ERCC6L2: variants seen among roughly 807,000 people sequenced by gnomAD.
The protein encoded by ERCC6L2 is DNA excision repair protein ERCC-6-like 2.
A neutral mutation model predicts 132.0 loss-of-function variants in ERCC6L2; 77 were observed. The observed-to-expected ratio is 0.58, with a 90% CI of 0.49 to 0.71. The LOEUF is 0.71. Ranked by LOEUF, ERCC6L2 falls within the 30% of genes least tolerant of loss-of-function variation. The pLI is 0.00. For missense variants in ERCC6L2, 1,542 were observed against 1,837.6 expected (o/e 0.84, Z 2.94); for synonymous variants, 583 against 632.4 (o/e 0.92, Z 1.17).
At chr9:95,947,204 A>G (rs753955369) in intron 12 of ERCC6L2, among the ~76,000 whole-genome samples, 23 of 152,226 alleles carry the variant, frequency 1.5e-4, no homozygotes, top group Non-Finnish European at 2.9e-4. Flanking sequence ...AAGGAAATTA[A>G]AAGTGCTACT....
At chr9:95,915,180 C>G (rs1307638744) in intron 4 of ERCC6L2, among the ~76,000 whole-genome samples, 2 of 152,332 alleles carry the variant, frequency 1.3e-5, no homozygotes, top group East Asian at 3.9e-4. Context: ...CCGTGAGGCT[C>G]TCATTCCTTT....
intron 4 of ERCC6L2, 80 bp downstream of exon 4, chr9:95,907,351 T>G: frequency 8.8e-7 from 1 of 1,136,418 alleles, no homozygotes; most frequent in Non-Finnish European, 1.2e-6. Context: ...TTTTTTTTTT[T>G]TTTTTTGAGA....
At chr9:95,916,548 C>G in intron 6 of ERCC6L2, 114 bp downstream of exon 6, 1 of 844,140 alleles carries the variant, frequency 1.2e-6, no homozygotes, top group Non-Finnish European at 1.7e-6. Context: ...GCCTTTTATT[C>G]TGTATGGAAA....
chr9:95,987,050 C>G (rs1314853202), intron 17 of ERCC6L2, among the ~76,000 whole-genome samples: 1 of 152,148 alleles, frequency 6.6e-6, no homozygotes, highest in African/African-American at 2.4e-5. Context: ...TTCACTACCA[C>G]GAGAACAGTA....
At chr9:96,004,481 T>A (rs1194404553) in intron 17 of ERCC6L2, 39 bp from the exon 18 acceptor site, 1 of 1,197,924 alleles carries the variant, frequency 8.3e-7, no homozygotes, top group Admixed American at 2.6e-5. Flanking sequence ...CAATGACTAT[T>A]TTTTCAGACA....
chr9:95,904,838 A>G (rs1039909585), intron 3 of ERCC6L2, among the ~76,000 whole-genome samples: 13 of 152,200 alleles, frequency 8.5e-5, no homozygotes, highest in African/African-American at 2.4e-4. Context: ...GATTTATTGA[A>G]AGATATAAAT....
At chr9:96,026,996 T>TAC (rs1056198995) in intron 19 of ERCC6L2, among the ~76,000 whole-genome samples, 3 of 86,144 alleles carry the variant, frequency 3.5e-5, no homozygotes, top group East Asian at 3.7e-4. Context: ...CACACCACAC[T>TAC]ACACACACAC....
chr9:95,928,484 TA>T (rs1352259210), intron 10 of ERCC6L2, among the ~76,000 whole-genome samples: 3 of 152,196 alleles, frequency 2.0e-5, no homozygotes, highest in Non-Finnish European at 1.5e-5. Flanking sequence ...GTTTGTTTCT[TA>T]AAAATGAAAA....
chr9:95,880,859 A>G lies in ERCC6L2; in HGVS notation c.47-10A>G, dbSNP rs375102540. 5.7e-6 allele frequency: 9 copies of G among 1,578,354 alleles called. No homozygotes were observed. In the African/African-American group the frequency reaches 1.1e-4, roughly 19 times the overall value. On this transcript the variant is annotated splice_polypyrimidine_tract_variant and intron_variant, in intron 1 of 18. Transcript: ENST00000653738. ...TAGCTTTGGAAACTTTATTTTCTTT[A>G]TTCTTGCAGACATATGGCATCCAGG...
intron 3 of ERCC6L2, among the ~76,000 whole-genome samples, chr9:95,898,343 G>A (rs932720983): frequency 1.3e-5 from 2 of 152,068 alleles, no homozygotes; most frequent in Non-Finnish European, 2.9e-5. Context: ...ATGAAAAGGC[G>A]ATAGTTACAG....
intron 7 of ERCC6L2, among the ~76,000 whole-genome samples, chr9:95,922,066 T>C (rs554193212): frequency 1.3e-5 from 2 of 152,328 alleles, no homozygotes; most frequent in South Asian, 4.1e-4. Flanking sequence ...ATAAATACTT[T>C]CTGTAATAAG....
chr9:95,953,682 A>C (rs1831456534), intron 12 of ERCC6L2, among the ~76,000 whole-genome samples: 1 of 152,114 alleles, frequency 6.6e-6, no homozygotes, highest in Non-Finnish European at 1.5e-5. Context: ...AAGTAAAAGA[A>C]TAATTTAGAA....
At chr9:95,905,901 C>A (rs993118571) in intron 3 of ERCC6L2, among the ~76,000 whole-genome samples, 1 of 152,152 alleles carries the variant, frequency 6.6e-6, no homozygotes, top group Non-Finnish European at 1.5e-5. Flanking sequence ...TGGTTCATCT[C>A]TATCAAGTAG....
At chr9:95,911,468 T>C (rs1829336636) in intron 4 of ERCC6L2, among the ~76,000 whole-genome samples, 1 of 152,080 alleles carries the variant, frequency 6.6e-6, no homozygotes, top group South Asian at 2.1e-4. Context: ...TAAATAAGAA[T>C]TCTGAAGTAG....
rs373083496 is a variant in ERCC6L2 at position 95,988,281 on chromosome 9, T to C, written c.3492+10066T>C. The stretch of plus-strand genomic sequence containing the variant: ...AGACAAATACGTCTGAACTGGAATT[T>C]GTGATATTTTGCAAATTATCTGATG... On this transcript the variant is annotated intron_variant, in intron 17 of 18. Transcript: ENST00000653738. Among the ~76,000 whole-genome samples the C allele has an allele frequency of 1.4e-4, 21 of 152,382 alleles. No homozygotes were observed. In the East Asian group the frequency reaches 3.5e-3, roughly 25 times the overall value.
chr9:95,898,440 T>C (rs767484183), intron 3 of ERCC6L2, among the ~76,000 whole-genome samples: 75 of 152,252 alleles, frequency 4.9e-4, no homozygotes, highest in Non-Finnish European at 7.6e-4. Flanking sequence ...TCTACCAATA[T>C]AGGAAAGTTG....
intron 19 of ERCC6L2, among the ~76,000 whole-genome samples, chr9:96,027,433 AC>A: frequency 6.6e-6 from 1 of 151,986 alleles, no homozygotes; most frequent in Admixed American, 6.5e-5. Flanking sequence ...GGGAGGAAAG[AC>A]CCTGGCCGGG....
At chr9:95,905,062 A>C (rs1828965238) in intron 3 of ERCC6L2, 1 of 152,190 alleles carries the variant, frequency 6.6e-6, no homozygotes, top group African/African-American at 2.4e-5. Flanking sequence ...GAAGCTAAGC[A>C]GGGTCGGACC....
At chr9:96,010,831 T>C (rs1000049098) in intron 18 of ERCC6L2, among the ~76,000 whole-genome samples, 1 of 152,130 alleles carries the variant, frequency 6.6e-6, no homozygotes, top group Admixed American at 6.6e-5. Context: ...GGAAACGGAG[T>C]CTTATTTGCT....
Sources: gnomAD v4.1 joint callset for allele counts (sites outside exome capture counted in the v4.1 genomes callset) on GRCh38, gnomAD v4.1.1 for gene constraint, MANE v1.5 for transcripts, NCBI Gene and HGNC (gene_info 2026-07-23, HGNC 2026-07-21) for gene names.